Variants in NRG3 observed in about 807,000 individuals in gnomAD.
NRG3 encodes the protein pro-neuregulin-3, membrane-bound isoform.
Under a neutral mutation model 66.9 loss-of-function variants are expected in NRG3, and 31 were observed. The ratio of observed to expected loss-of-function variants is 0.46; its 90% confidence interval spans 0.35 to 0.63. The LOEUF is 0.63. Among genes scored for constraint, NRG3 ranks in the 20% least tolerant of loss-of-function variants. The pLI is 0.00. For synonymous variants in NRG3, 393 were observed against 359.4 expected, an observed-to-expected ratio of 1.09 and a Z score of -1.06; for missense variants, 910 against 878.9, an observed-to-expected ratio of 1.04 and a Z score of -0.45.
chr10:81,952,211 T>A (rs1849430772), intron 1 of NRG3, among the ~76,000 whole-genome samples: 1 of 152,170 alleles, frequency 6.6e-6, no homozygotes, highest in Non-Finnish European at 1.5e-5. Context: ...CTGCACGTTG[T>A]GCACATGTAC....
intron 2 of NRG3, among the ~76,000 whole-genome samples, chr10:82,699,418 T>C (rs1031573928): frequency 6.6e-6 from 1 of 152,096 alleles, no homozygotes; most frequent in African/African-American, 2.4e-5. Flanking sequence ...CGCAAATTAT[T>C]TTTAACGTTC....
intron 1 of NRG3, among the ~76,000 whole-genome samples, chr10:82,236,247 A>G (rs1187346622): frequency 1.3e-5 from 2 of 152,178 alleles, no homozygotes; most frequent in East Asian, 3.9e-4. Flanking sequence ...TAGGAAGTAA[A>G]TGAGATAGCA....
chr10:82,859,865 T>G (rs342400), intron 3 of NRG3, among the ~76,000 whole-genome samples: 47,765 of 152,020 alleles, frequency 0.31, 7,754 homozygotes, highest in African/African-American at 0.38. Flanking sequence ...TTATAGAATT[T>G]TTGTTAATTA....
At chr10:81,949,853 T>G (rs1012566807) in intron 1 of NRG3, among the ~76,000 whole-genome samples, 1 of 152,232 alleles carries the variant, frequency 6.6e-6, no homozygotes, top group Non-Finnish European at 1.5e-5. Flanking sequence ...AAAGCATTAC[T>G]GCAGACATTT....
chr10:82,976,245 G>A (rs1255293523), intron 7 of NRG3, among the ~76,000 whole-genome samples: 3 of 151,902 alleles, frequency 2.0e-5, no homozygotes, highest in East Asian at 1.9e-4. Flanking sequence ...TAGTAGAGAC[G>A]GGGTTTCACC....
intron 6 of NRG3, among the ~76,000 whole-genome samples, chr10:82,961,782 G>A (rs140983418): frequency 3.3e-4 from 50 of 152,280 alleles, no homozygotes; most frequent in African/African-American, 9.6e-4. Context: ...GGACCATGGG[G>A]AAGTTCTGAA....
chr10:82,513,723 TG>T (rs1845407590), intron 2 of NRG3, among the ~76,000 whole-genome samples: 1 of 152,132 alleles, frequency 6.6e-6, no homozygotes, highest in African/African-American at 2.4e-5. Context: ...GAGGTTGCAG[TG>T]GGCCGAAATT....
At chr10:82,078,151 T>C (rs2065194684) in intron 1 of NRG3, among the ~76,000 whole-genome samples, 1 of 152,232 alleles carries the variant, frequency 6.6e-6, no homozygotes. Flanking sequence ...TCTATTTACC[T>C]ACTCTTGTTA....
At chr10:82,854,977 C>T (rs1162810763) in intron 3 of NRG3, among the ~76,000 whole-genome samples, 1 of 152,048 alleles carries the variant, frequency 6.6e-6, no homozygotes, top group Non-Finnish European at 1.5e-5. Flanking sequence ...TACCTTGATC[C>T]TTTGGGTAGC....
rs1163340573 is a variant in NRG3 at position 82,295,917 on chromosome 10, C to CAAA, written c.824-62822_824-62821insAAA. On this transcript the variant is annotated intron_variant, in intron 1 of 8. Coordinates refer to ENST00000372141, the MANE Select transcript of NRG3 (RefSeq NM_001010848.4). ...AAAAGTAAAAAAGGACAAAAAAAAC[C>CAAA]CCTATTTTAGGGAGCTTTAAAAATT... Among the ~76,000 whole-genome samples, 711 of 121,514 alleles carry CAAA rather than the reference C, an allele frequency of 5.9e-3. 6 individuals are homozygous for CAAA. Among genetic ancestry groups the CAAA allele is most frequent in the African/African-American group, 0.025 (681 of 27,294 alleles). 79.7% of individuals were successfully genotyped at this position (121,514 alleles called of 152,430 possible). A position where few individuals can be genotyped will look rare whatever the true frequency, so the allele number is the denominator to read the frequency against.
intron 3 of NRG3, among the ~76,000 whole-genome samples, chr10:82,837,807 G>T (rs2062853706): frequency 6.6e-6 from 1 of 152,110 alleles, no homozygotes; most frequent in Non-Finnish European, 1.5e-5. Context: ...AAAAATGCTT[G>T]TCATGAGGTG....
chr10:82,620,039 G>A (rs1489741757), intron 2 of NRG3, among the ~76,000 whole-genome samples: 1 of 152,128 alleles, frequency 6.6e-6, no homozygotes, highest in African/African-American at 2.4e-5. Context: ...TCAACCTCTT[G>A]TACAAAGAAT....
chr10:82,072,153 A>G (rs1021721853), intron 1 of NRG3, among the ~76,000 whole-genome samples: 1 of 152,202 alleles, frequency 6.6e-6, no homozygotes, highest in Non-Finnish European at 1.5e-5. Flanking sequence ...ATGTTTGCAT[A>G]TGATATAAAA....
chr10:82,959,117 A>T (rs1260547671), intron 6 of NRG3, 42 bp downstream of exon 6: 1 of 1,525,490 alleles, frequency 6.6e-7, no homozygotes, highest in South Asian at 1.3e-5. Context: ...AGCCTACCTC[A>T]GTGCTTCCAG....
intron 1 of NRG3, among the ~76,000 whole-genome samples, chr10:82,205,796 C>T (rs950875639): frequency 6.6e-5 from 10 of 152,214 alleles, no homozygotes; most frequent in African/African-American, 2.2e-4. Context: ...TACTTGCTAC[C>T]TGCCTGAATC....
intron 2 of NRG3, among the ~76,000 whole-genome samples, chr10:82,477,409 G>T (rs1382338840): frequency 6.6e-6 from 1 of 152,154 alleles, no homozygotes; most frequent in Non-Finnish European, 1.5e-5. Flanking sequence ...ATGTATATGA[G>T]CACAGGGACC....
intron 2 of NRG3, among the ~76,000 whole-genome samples, chr10:82,624,917 T>TA (rs2049309887): frequency 7.2e-6 from 1 of 138,832 alleles, no homozygotes; most frequent in Admixed American, 7.2e-5. Flanking sequence ...ATATATATAT[T>TA]TTATATATAT....
intron 2 of NRG3, among the ~76,000 whole-genome samples, chr10:82,448,657 C>T (rs1035475199): frequency 6.6e-6 from 1 of 152,178 alleles, no homozygotes; most frequent in Non-Finnish European, 1.5e-5. Context: ...ATGCTCTCAC[C>T]TCCATATCAC....
intron 1 of NRG3, among the ~76,000 whole-genome samples, chr10:82,167,158 T>G (rs1260072000): frequency 9.2e-5 from 14 of 152,112 alleles, no homozygotes; most frequent in Admixed American, 9.2e-4. Context: ...TCATTGGTCT[T>G]ATTTTTCTGC....
Sources: gnomAD v4.1 joint callset for allele counts (sites outside exome capture counted in the v4.1 genomes callset) on GRCh38, gnomAD v4.1.1 for gene constraint, MANE v1.5 for transcripts, NCBI Gene and HGNC (gene_info 2026-07-23, HGNC 2026-07-21) for gene names.